The following ZNF365 variants were observed in gnomAD, a reference collection of about 807,000 sequenced individuals.
ZNF365 encodes the protein zinc finger protein 365.
ZNF365 carries 22 observed loss-of-function variants against 35.0 expected under a neutral mutation model. The observed-to-expected ratio is 0.63, with a 90% CI of 0.45 to 0.90. The LOEUF (loss-of-function observed/expected upper bound fraction) is 0.90. Among genes scored for constraint, ZNF365 ranks in the 40% least tolerant of loss-of-function variants. The pLI is 0.00. For missense variants in ZNF365, 448 were observed against 500.3 expected (o/e 0.90, Z 1.00); for synonymous variants, 188 against 196.2 (o/e 0.96, Z 0.35).
intron 3 of ZNF365, among the ~76,000 whole-genome samples, chr10:62,452,112 G>T (rs141837280): frequency 6.6e-6 from 1 of 152,166 alleles, no homozygotes; most frequent in Non-Finnish European, 1.5e-5. Context: ...TCTATGCCAA[G>T]AACAGTGTTT....
chr10:62,407,611 C>T (rs369435879), intron 3 of ZNF365, among the ~76,000 whole-genome samples: 12 of 150,374 alleles, frequency 8.0e-5, no homozygotes, highest in African/African-American at 2.2e-4. Context: ...TCTCCTCACT[C>T]GGTGCCCTGT....
At chr10:62,412,738 G>A (rs1216241029) in intron 3 of ZNF365, among the ~76,000 whole-genome samples, 1 of 152,116 alleles carries the variant, frequency 6.6e-6, no homozygotes, top group African/African-American at 2.4e-5. Flanking sequence ...TCTTCAAGGA[G>A]AACTACAAAC....
At chr10:62,392,616 G>A (rs1464932158) in intron 3 of ZNF365, among the ~76,000 whole-genome samples, 1 of 142,368 alleles carries the variant, frequency 7.0e-6, no homozygotes, top group Non-Finnish European at 1.5e-5. Context: ...TTGTTTGTTT[G>A]TTTGTTTGTT....
intron 3 of ZNF365, among the ~76,000 whole-genome samples, chr10:62,440,599 A>T (rs1028534893): frequency 6.6e-6 from 1 of 152,202 alleles, no homozygotes; most frequent in African/African-American, 2.4e-5. Flanking sequence ...CATTTAGCAA[A>T]TTGACAGATA....
chr10:62,451,885 A>ATTC (rs1312188476), intron 3 of ZNF365, among the ~76,000 whole-genome samples: 1 of 152,226 alleles, frequency 6.6e-6, no homozygotes, highest in Non-Finnish European at 1.5e-5. Flanking sequence ...GTAATGTGAC[A>ATTC]AGGAATTTTT....
intron 3 of ZNF365, among the ~76,000 whole-genome samples, chr10:62,447,674 G>A (rs1299575751): frequency 6.6e-6 from 1 of 152,206 alleles, no homozygotes; most frequent in African/African-American, 2.4e-5. Context: ...TCCTGATGGT[G>A]TGCTCCAGTA....
chr10:62,393,943 G>T (rs562649255), intron 3 of ZNF365, among the ~76,000 whole-genome samples: 1 of 152,016 alleles, frequency 6.6e-6, no homozygotes, highest in South Asian at 2.1e-4. Flanking sequence ...GGCAGATGTG[G>T]TTTCCCCTTG....
intron 3 of ZNF365, among the ~76,000 whole-genome samples, chr10:62,394,637 A>G (rs1208346360): frequency 6.6e-6 from 1 of 152,256 alleles, no homozygotes; most frequent in Non-Finnish European, 1.5e-5. Flanking sequence ...TTTAGAAATC[A>G]GCCAGGTGAA....
At chr10:62,390,000 G>A (rs1403096604) in intron 3 of ZNF365, among the ~76,000 whole-genome samples, 1 of 152,100 alleles carries the variant, frequency 6.6e-6, no homozygotes, top group Non-Finnish European at 1.5e-5. Flanking sequence ...TTGACTAGCT[G>A]TGGCTGGAGG....
intron 3 of ZNF365, among the ~76,000 whole-genome samples, chr10:62,422,074 T>C (rs1383383079): frequency 1.3e-5 from 2 of 152,212 alleles, no homozygotes; most frequent in African/African-American, 4.8e-5. Context: ...AACCAAGTAT[T>C]ACCATTCTAC....
At chr10:62,450,179 C>T (rs897902683) in intron 3 of ZNF365, among the ~76,000 whole-genome samples, 6 of 152,008 alleles carry the variant, frequency 3.9e-5, no homozygotes, top group African/African-American at 1.2e-4. Flanking sequence ...TTCCTCATTT[C>T]GTTTGGATTT....
At chr10:62,399,187 C>T (rs1276804748) in intron 4 of ZNF365, among the ~76,000 whole-genome samples, 8 of 152,184 alleles carry the variant, frequency 5.3e-5, no homozygotes, top group Non-Finnish European at 1.2e-4. Flanking sequence ...CTAGTCGTCA[C>T]TTAACAAGTC....
At chr10:62,466,190 G>A (rs928610157) in intron 4 of ZNF365, among the ~76,000 whole-genome samples, 1 of 152,226 alleles carries the variant, frequency 6.6e-6, no homozygotes, top group African/African-American at 2.4e-5. Context: ...GTGACACACT[G>A]TAACACCCTC....
chr10:62,386,855 A>G (rs548834996), intron 2 of ZNF365, among the ~76,000 whole-genome samples: 3 of 146,766 alleles, frequency 2.0e-5, no homozygotes, highest in South Asian at 4.1e-4. Flanking sequence ...AGAGAAGCCA[A>G]TGAATTTAAT....
chr10:62,409,394 G>T (rs907878182), intron 3 of ZNF365, among the ~76,000 whole-genome samples: 3 of 152,200 alleles, frequency 2.0e-5, no homozygotes, highest in Admixed American at 2.0e-4. Flanking sequence ...ATGTAAGAAT[G>T]CCATTTTAAT....
chr10:62,434,176 A>AT (rs1413633375), intron 3 of ZNF365, among the ~76,000 whole-genome samples: 1 of 152,148 alleles, frequency 6.6e-6, no homozygotes, highest in Non-Finnish European at 1.5e-5. Context: ...ACCTTGGGTG[A>AT]TTTTTTTGTT....
chr10:62,434,395 G>A (rs995899064), intron 3 of ZNF365, among the ~76,000 whole-genome samples: 3 of 152,090 alleles, frequency 2.0e-5, no homozygotes, highest in Middle Eastern at 3.2e-3. Context: ...GCTTACAAAC[G>A]TTTGTGGGTA....
At chr10:62,457,963 A>G (rs1348050248) in intron 3 of ZNF365, among the ~76,000 whole-genome samples, 1 of 152,224 alleles carries the variant, frequency 6.6e-6, no homozygotes, top group Non-Finnish European at 1.5e-5. Context: ...GCCAAATACC[A>G]TACAACAAGC....
At chr10:62,457,539 G>A (rs934543045) in intron 3 of ZNF365, among the ~76,000 whole-genome samples, 9 of 152,176 alleles carry the variant, frequency 5.9e-5, no homozygotes, top group Admixed American at 5.2e-4. Flanking sequence ...GCTACATATA[G>A]GGGAAATGGA....
Sources: gnomAD v4.1 joint callset for allele counts (sites outside exome capture counted in the v4.1 genomes callset) on GRCh38, gnomAD v4.1.1 for gene constraint, MANE v1.5 for transcripts, NCBI Gene and HGNC (gene_info 2026-07-23, HGNC 2026-07-21) for gene names.